EPB41L4A: variants seen among roughly 807,000 people sequenced by gnomAD.
The protein encoded by EPB41L4A is band 4.1-like protein 4A.
EPB41L4A carries 100 observed loss-of-function variants against 108.6 expected under a neutral mutation model. The observed-to-expected ratio is 0.92, with a 90% confidence interval of 0.78 to 1.09. The LOEUF is 1.09. Ranked by LOEUF, EPB41L4A falls within the 50% of genes least tolerant of loss-of-function variation. The probability of loss-of-function intolerance (pLI) is 0.00; values close to 1 mark genes in which losing one functional copy is unlikely to be tolerated. For missense variants in EPB41L4A, 1,030 were observed against 842.7 expected, an observed-to-expected ratio of 1.22 and a Z score of -2.75; for synonymous variants, 319 against 289.0, an observed-to-expected ratio of 1.10 and a Z score of -1.05.
At chr5:112,308,347 A>G (rs906781430) in intron 1 of EPB41L4A, among the ~76,000 whole-genome samples, 3 of 152,170 alleles carry the variant, frequency 2.0e-5, no homozygotes, top group African/African-American at 4.8e-5. Context: ...CCCTCAGAAA[A>G]TTGCCAGGAT....
chr5:112,301,013 A>G (rs889840899), intron 2 of EPB41L4A, among the ~76,000 whole-genome samples: 1 of 151,956 alleles, frequency 6.6e-6, no homozygotes, highest in Admixed American at 6.6e-5. Context: ...TTTTTTATTT[A>G]TGCTATCTAT....
intron 1 of EPB41L4A, among the ~76,000 whole-genome samples, chr5:112,416,013 G>C (rs1580868006): frequency 6.6e-6 from 1 of 151,596 alleles, no homozygotes; most frequent in Non-Finnish European, 1.5e-5. Flanking sequence ...CATTTAAATG[G>C]AAATTAAATG....
downstream of EPB41L4A, among the ~76,000 whole-genome samples, chr5:112,159,825 C>T (rs928970994): frequency 1.3e-5 from 2 of 151,552 alleles, no homozygotes; most frequent in African/African-American, 4.9e-5. Context: ...TATTAATAAT[C>T]TCATATTGAT....
exon 14 of EPB41L4A, chr5:112,143,246 G>A (rs1428300046): frequency 6.6e-6 from 1 of 152,146 alleles, no homozygotes; most frequent in African/African-American, 2.4e-5. Context: ...TTTCAGGGCA[G>A]TTAGTCATAC....
At chr5:112,170,009 T>A (rs1452544163) in intron 20 of EPB41L4A, 1 of 350,238 alleles carries the variant, frequency 2.9e-6, no homozygotes, top group African/African-American at 2.2e-5. Context: ...GATAAAAAAC[T>A]TTATCAGTGA....
intron 1 of EPB41L4A, among the ~76,000 whole-genome samples, chr5:112,319,977 T>A (rs1020152764): frequency 2.6e-5 from 4 of 152,238 alleles, no homozygotes; most frequent in African/African-American, 9.6e-5. Flanking sequence ...TCATAAAGCC[T>A]ATGTGGTAAA....
intron 1 of EPB41L4A, among the ~76,000 whole-genome samples, chr5:112,324,624 G>C (rs2150637190): frequency 6.6e-6 from 1 of 151,742 alleles, no homozygotes; most frequent in Admixed American, 6.6e-5. Flanking sequence ...TCGGGAGGCT[G>C]AGGCAGGAGA....
At chr5:112,378,762 A>C (rs1759980111) in intron 1 of EPB41L4A, among the ~76,000 whole-genome samples, 1 of 152,214 alleles carries the variant, frequency 6.6e-6, no homozygotes, top group Non-Finnish European at 1.5e-5. Context: ...CTCTAAAACA[A>C]ACTTCTTCAC....
chr5:112,159,837 G>T (rs908895032), downstream of EPB41L4A, among the ~76,000 whole-genome samples: 4 of 151,546 alleles, frequency 2.6e-5, no homozygotes, highest in Non-Finnish European at 5.9e-5. Context: ...CATATTGATT[G>T]CCTGTTGAAA....
intron 4 of EPB41L4A, 52 bp from the exon 5 acceptor site, chr5:112,266,382 T>C: frequency 7.7e-7 from 1 of 1,291,726 alleles, no homozygotes; most frequent in Non-Finnish European, 1.1e-6. Flanking sequence ...TACTCAAACC[T>C]GAGGTTTCGG....
chr5:112,154,006 T>C (rs1049333042), intron 12 of EPB41L4A, among the ~76,000 whole-genome samples: 1 of 152,218 alleles, frequency 6.6e-6, no homozygotes, highest in Admixed American at 6.5e-5. Flanking sequence ...GATATGTAGC[T>C]GGCACACACC....
chr5:112,146,343 T>C (rs1328378439), intron 12 of EPB41L4A, among the ~76,000 whole-genome samples: 2 of 152,208 alleles, frequency 1.3e-5, no homozygotes, highest in East Asian at 3.8e-4. Context: ...TTTCAGTGGC[T>C]AAAACCAAAT....
intron 15 of EPB41L4A, among the ~76,000 whole-genome samples, chr5:112,203,051 T>C (rs115585414): frequency 0.033 from 4,934 of 151,660 alleles, 303 homozygotes; most frequent in African/African-American, 0.11. Flanking sequence ...TACTTTAATT[T>C]ATACATTTTT....
At chr5:112,323,384 C>A (rs1405133873) in intron 1 of EPB41L4A, among the ~76,000 whole-genome samples, 1 of 152,184 alleles carries the variant, frequency 6.6e-6, no homozygotes, top group Non-Finnish European at 1.5e-5. Flanking sequence ...AACCACACAT[C>A]TTACTATCTA....
At position 112,240,726 on chromosome 5, in the gene EPB41L4A, A is replaced by T; in HGVS notation, c.880T>A (p.Phe294Ile). Residue 294 changes from phenylalanine to isoleucine, a missense_variant, in exon 10 of 23, where the codon TTT becomes ATT. Physicochemically the swap from Phe to Ile is conservative, Grantham distance 21. Transcript: ENST00000261486. ...ATTTTTACATCAATTTACCTAAAAA[A>T]TGTATGATGTTCCACACTGCACTTC... is the stretch of plus-strand genomic sequence containing the variant. ...LWKCSVEHHT[F>I]FRMPENESNS... 1.3e-6 allele frequency: 2 copies of T among 1,538,076 alleles called. No individual in the cohort carries two copies. Among genetic ancestry groups the T allele is most frequent in the South Asian group, 1.3e-5 (1 of 78,240 alleles).
chr5:112,286,337 C>T (rs1183987583), intron 2 of EPB41L4A, among the ~76,000 whole-genome samples: 1 of 152,128 alleles, frequency 6.6e-6, no homozygotes, highest in African/African-American at 2.4e-5. Flanking sequence ...TAACTGGAGG[C>T]TCACATTGCA....
In EPB41L4A at chr5:112,184,211, T is replaced by C. The variant is rs568153939; in HGVS notation, c.1503-76A>G. On this transcript the variant is annotated intron_variant, in intron 17 of 22. Transcript: ENST00000261486. ...TTTAGGTTCATCCTAAACTTGCTTT[T>C]AAATGTTATTTAAGCAGCAGAAATT... 30 of 1,544,182 alleles carry C rather than the reference T, an allele frequency of 1.9e-5. 1 individual carries two copies. In the South Asian group the frequency reaches 3.5e-4, roughly 18 times the overall value.
At chr5:112,351,210 T>G (rs1031494920) in intron 1 of EPB41L4A, among the ~76,000 whole-genome samples, 1 of 151,918 alleles carries the variant, frequency 6.6e-6, no homozygotes, top group Non-Finnish European at 1.5e-5. Flanking sequence ...TTTAAAAAGG[T>G]AAACAAAATC....
rs1307714765 is a variant in EPB41L4A, at chr5:112,149,553, T to C, written n.995-3555A>G. On this transcript the variant is annotated intron_variant and non_coding_transcript_variant, in intron 12 of 13. Coordinates refer to the EPB41L4A transcript ENST00000507810. ...ATTGTTACGTTTATACATAGCTTGT[T>C]AGTTGAAAAAGCAGGATTAGTGATA... Among the ~76,000 whole-genome samples, 4 of 152,208 alleles carry C rather than the reference T, an allele frequency of 2.6e-5. No individual in the cohort carries two copies. The East Asian group carries it at 5.8e-4, about 22-fold the overall frequency.
Sources: allele counts gnomAD v4.1 joint callset (sites outside exome capture counted in the v4.1 genomes callset), GRCh38; gene constraint gnomAD v4.1.1; transcripts MANE v1.5; gene names NCBI Gene and HGNC (gene_info 2026-07-23, HGNC 2026-07-21).